Variants in DDX10 observed in about 807,000 individuals in gnomAD.
DDX10 encodes probable ATP-dependent RNA helicase DDX10.
DDX10 carries 74 observed loss-of-function variants against 104.3 expected under a neutral mutation model. That is an observed-to-expected ratio of 0.71 (90% CI 0.59 to 0.86). DDX10 has a LOEUF of 0.86. Among genes scored for constraint, DDX10 ranks in the 40% least tolerant of loss-of-function variants. DDX10 has a pLI of 0.00. For missense variants in DDX10, 952 were observed against 1,040.0 expected (o/e 0.92, Z 1.16); for synonymous variants, 351 against 353.4 (o/e 0.99, Z 0.08).
At chr11:108,911,052 T>C (rs1244708405) in intron 16 of DDX10, among the ~76,000 whole-genome samples, 1 of 152,196 alleles carries the variant, frequency 6.6e-6, no homozygotes, top group East Asian at 1.9e-4. Flanking sequence ...GCTTGTGGAA[T>C]TGATTCGCTC....
intron 16 of DDX10, among the ~76,000 whole-genome samples, chr11:108,898,874 G>A (rs1863477261): frequency 6.6e-6 from 1 of 152,114 alleles, no homozygotes; most frequent in Non-Finnish European, 1.5e-5. Flanking sequence ...CTTCCCCTTT[G>A]CCTTCTGAAG....
intron 17 of DDX10, among the ~76,000 whole-genome samples, chr11:108,927,398 G>A (rs143818309): frequency 8.5e-5 from 13 of 152,258 alleles, no homozygotes; most frequent in East Asian, 3.9e-4. Context: ...CTTTCTGGCC[G>A]CACAGTCTCT....
At chr11:108,800,453 A>AAAAAAG (rs1342809676) in intron 13 of DDX10, among the ~76,000 whole-genome samples, 1 of 150,748 alleles carries the variant, frequency 6.6e-6, no homozygotes, top group African/African-American at 2.4e-5. Context: ...AAAAAAAAAA[A>AAAAAAG]AAAAAAAAAG....
chr11:108,822,734 A>G (rs969813384), intron 13 of DDX10: 1 of 153,268 alleles, frequency 6.5e-6, no homozygotes, highest in Non-Finnish European at 1.5e-5. Context: ...TACACTTCTA[A>G]AAATGAATTC....
At chr11:108,797,467 A>G (rs1861960786) in intron 13 of DDX10, among the ~76,000 whole-genome samples, 3 of 152,336 alleles carry the variant, frequency 2.0e-5, no homozygotes, top group African/African-American at 7.2e-5. Context: ...TGCAGTAGAG[A>G]TGAATGCAAA....
intron 6 of DDX10, among the ~76,000 whole-genome samples, chr11:108,681,690 A>C (rs1197637806): frequency 6.6e-6 from 1 of 152,234 alleles, no homozygotes; most frequent in Non-Finnish European, 1.5e-5. Flanking sequence ...ATGTGGTTAT[A>C]TATAGACAAC....
chr11:108,914,719 C>T (rs1357626819), intron 16 of DDX10, among the ~76,000 whole-genome samples: 1 of 151,478 alleles, frequency 6.6e-6, no homozygotes, highest in African/African-American at 2.4e-5. Context: ...TGACTTAGCT[C>T]AGATTTGAAT....
intron 10 of DDX10, among the ~76,000 whole-genome samples, chr11:108,713,450 A>G (rs1463058777): frequency 6.6e-6 from 1 of 152,156 alleles, no homozygotes; most frequent in African/African-American, 2.4e-5. Flanking sequence ...TAATGAACCC[A>G]TCAAAGGTAT....
chr11:108,912,349 G>A (rs192203633), intron 16 of DDX10, among the ~76,000 whole-genome samples: 19 of 152,266 alleles, frequency 1.2e-4, no homozygotes, highest in African/African-American at 4.3e-4. Flanking sequence ...TAATACCCCT[G>A]TAATCCATAG....
At chr11:108,695,885 GA>G (rs2094259165) in intron 9 of DDX10, among the ~76,000 whole-genome samples, 1 of 151,862 alleles carries the variant, frequency 6.6e-6, no homozygotes, top group South Asian at 2.1e-4. Flanking sequence ...AGAAGGGAGA[GA>G]ACAGTATAAT....
chr11:108,719,830 A>G lies in DDX10; in HGVS notation c.1444A>G (p.Met482Val). ...CTCCTATGTACGATCTGTATATCTG[A>G]TGAAGGATAAAGAAGTATTTGATGT... The part of the protein sequence containing the change: ...FVSYVRSVYL[M>V]KDKEVFDVSK... The change falls in exon 12 of 18, where the codon ATG becomes GTG. Residue 482 changes from methionine (M) to valine (V), a missense_variant. Transcript: ENST00000322536. 6.2e-7 allele frequency: 1 copy of G among 1,607,264 alleles called. No homozygotes were observed. The highest frequency in any genetic ancestry group is 8.5e-7 in the Non-Finnish European group (1 of 1,173,874).
At chr11:108,678,014 C>T (rs2094228389) in intron 4 of DDX10, among the ~76,000 whole-genome samples, 1 of 151,932 alleles carries the variant, frequency 6.6e-6, no homozygotes, top group Admixed American at 6.6e-5. Context: ...TATGTCAGTT[C>T]TGATCCAAAT....
intron 3 of DDX10, among the ~76,000 whole-genome samples, chr11:108,675,960 C>T (rs2094224496): frequency 6.6e-6 from 1 of 152,192 alleles, no homozygotes; most frequent in Non-Finnish European, 1.5e-5. Flanking sequence ...AATGAATGAA[C>T]TATTGTGCCT....
intron 13 of DDX10, among the ~76,000 whole-genome samples, chr11:108,729,154 C>T (rs775590722): frequency 7.2e-5 from 11 of 152,120 alleles, no homozygotes; most frequent in Non-Finnish European, 8.8e-5. Flanking sequence ...ATTTTACCCC[C>T]AAATGATTAC....
chr11:108,793,879 GA>G (rs1378383740), intron 13 of DDX10, among the ~76,000 whole-genome samples: 1 of 65,452 alleles, frequency 1.5e-5, no homozygotes, highest in Non-Finnish European at 2.9e-5. Flanking sequence ...ACCTCCATGA[GA>G]TAAATGTTTT....
chr11:108,802,280 T>C (rs1474895276), intron 13 of DDX10, among the ~76,000 whole-genome samples: 7 of 152,208 alleles, frequency 4.6e-5, no homozygotes, highest in African/African-American at 1.7e-4. Context: ...AGTGAGCATT[T>C]CCTTCAAGTA....
intron 9 of DDX10, among the ~76,000 whole-genome samples, chr11:108,699,014 C>A (rs555785002): frequency 6.6e-6 from 1 of 152,332 alleles, no homozygotes; most frequent in African/African-American, 2.4e-5. Flanking sequence ...ACATTCCTTT[C>A]TCCAAAGTCC....
At chr11:108,736,948 T>C (rs919928533) in intron 13 of DDX10, among the ~76,000 whole-genome samples, 6 of 152,224 alleles carry the variant, frequency 3.9e-5, no homozygotes, top group African/African-American at 1.2e-4. Context: ...ATATATAGGC[T>C]TCTGTAGGCA....
In DDX10 at chr11:108,677,126, T is replaced by C. The variant is rs1397711083; in HGVS notation, c.420T>C (p.Asp140=). The part of the protein sequence containing the change: ...ALYRLQWTST[D]GLGVLIISPT... ...ATCGTCTGCAATGGACTTCAACAGA[T>C]GGGCTGGGGGTTCTCATAATATCAC... The change falls in exon 4 of 18, where the codon GAT becomes GAC. Residue 140 remains aspartate, a synonymous_variant. Coordinates refer to ENST00000322536, the MANE Select transcript of DDX10 (RefSeq NM_004398.4). 1.2e-6 allele frequency: 2 copies of C among 1,613,306 alleles called. No homozygotes were observed. Among genetic ancestry groups the C allele is most frequent in the African/African-American group, 2.7e-5 (2 of 74,854 alleles).
Sources: allele counts gnomAD v4.1 joint callset (sites outside exome capture counted in the v4.1 genomes callset), GRCh38; gene constraint gnomAD v4.1.1; transcripts MANE v1.5; gene names NCBI Gene and HGNC (gene_info 2026-07-23, HGNC 2026-07-21).